Variants in SYT16 observed in about 807,000 individuals in gnomAD.
SYT16 encodes the protein synaptotagmin 16, also known as synaptotagmin-16.
A neutral mutation model predicts 61.4 loss-of-function variants in SYT16; 42 were observed. The observed-to-expected ratio is 0.68, with a 90% CI of 0.53 to 0.89. SYT16 has a LOEUF of 0.89. SYT16 is among the 40% of genes least tolerant of loss of function. The probability of loss-of-function intolerance (pLI) is 0.00; values close to 1 mark genes in which losing one functional copy is unlikely to be tolerated. For missense variants in SYT16, 804 were observed against 807.3 expected (o/e 1.00, Z 0.05); for synonymous variants, 314 against 302.3 (o/e 1.04, Z -0.40).
At chr14:61,812,218 C>T (rs1288547616), upstream of SYT16, 1 of 152,346 alleles carries the variant, frequency 6.6e-6, no homozygotes, top group Non-Finnish European at 1.5e-5. Flanking sequence ...GAGCTCCTGC[C>T]CCGGAGGATT....
chr14:61,879,730 G>T lies in SYT16; in HGVS notation c.-325+66920G>T, dbSNP rs576851441. On this transcript the variant is annotated intron_variant, in intron 1 of 7. Coordinates refer to ENST00000683842, the MANE Select transcript of SYT16 (RefSeq NM_001367656.1). ...TCTCTTTTCCTTTTTTACTAGTTTAGATTTCACATTATATCATTTAAGCAG... is the reference window on the plus strand; with the variant it reads ...TCTCTTTTCCTTTTTTACTAGTTTATATTTCACATTATATCATTTAAGCAG... Among the ~76,000 whole-genome samples, 8 of 152,140 alleles carry T rather than the reference G, an allele frequency of 5.3e-5. No homozygotes were observed. The East Asian group carries it at 1.5e-3, about 29-fold the overall frequency.
intron 1 of SYT16, among the ~76,000 whole-genome samples, chr14:61,813,196 G>A (rs2045322781): frequency 6.6e-6 from 1 of 152,248 alleles, no homozygotes; most frequent in Non-Finnish European, 1.5e-5. Flanking sequence ...TCTGGGTCGG[G>A]TTTGTGCGTC....
chr14:62,022,463 T>C (rs1334703843), intron 3 of SYT16, among the ~76,000 whole-genome samples: 1 of 152,162 alleles, frequency 6.6e-6, no homozygotes, highest in African/African-American at 2.4e-5. Context: ...TTTGTTTTCT[T>C]AAGCAGTTTT....
chr14:61,898,269 T>A (rs2140352488), intron 1 of SYT16, among the ~76,000 whole-genome samples: 1 of 152,298 alleles, frequency 6.6e-6, no homozygotes, highest in South Asian at 2.1e-4. Context: ...CTTATCCTAG[T>A]TTTCGTCTTT....
intron 1 of SYT16, among the ~76,000 whole-genome samples, chr14:61,821,275 G>A (rs766921610): frequency 6.6e-6 from 1 of 152,020 alleles, no homozygotes. Flanking sequence ...TCAATTGTTA[G>A]ATTTTAGTGG....
chr14:61,818,677 C>CAAAA (rs61559295), intron 1 of SYT16, among the ~76,000 whole-genome samples: 4 of 74,394 alleles, frequency 5.4e-5, no homozygotes, highest in African/African-American at 1.9e-4. Context: ...GACTCTGTCT[C>CAAAA]AAAAAAAAAA....
At chr14:61,882,747 T>C (rs2047746077) in intron 1 of SYT16, among the ~76,000 whole-genome samples, 2 of 152,184 alleles carry the variant, frequency 1.3e-5, no homozygotes, top group East Asian at 1.9e-4. Context: ...CTTCTGCCTA[T>C]GAGCCTGTAA....
chr14:61,867,156 T>C (rs1594788362), intron 1 of SYT16, among the ~76,000 whole-genome samples: 1 of 152,116 alleles, frequency 6.6e-6, no homozygotes, highest in African/African-American at 2.4e-5. Flanking sequence ...TGTAGCTTTA[T>C]ATATAATAAG....
chr14:61,846,512 A>G (rs2046450784), intron 1 of SYT16, among the ~76,000 whole-genome samples: 1 of 152,160 alleles, frequency 6.6e-6, no homozygotes, highest in Non-Finnish European at 1.5e-5. Flanking sequence ...GGCATGGAAT[A>G]TCTTTTTCCA....
intron 7 of SYT16, among the ~76,000 whole-genome samples, chr14:62,088,381 A>G (rs2056958161): frequency 6.6e-6 from 1 of 152,146 alleles, no homozygotes; most frequent in Admixed American, 6.5e-5. Flanking sequence ...AAGCAAAACT[A>G]CTCTATAGTG....
chr14:61,899,700 G>A (rs748216513), intron 1 of SYT16, among the ~76,000 whole-genome samples: 3 of 152,318 alleles, frequency 2.0e-5, no homozygotes, highest in Non-Finnish European at 4.4e-5. Flanking sequence ...AGGCAGCGCC[G>A]GAAGGCCTGT....
At chr14:61,823,722 A>G (rs2045689176) in intron 1 of SYT16, among the ~76,000 whole-genome samples, 1 of 152,244 alleles carries the variant, frequency 6.6e-6, no homozygotes, top group Non-Finnish European at 1.5e-5. Flanking sequence ...ACTGCGCTCC[A>G]GCCTGGGTGA....
chr14:61,864,731 T>A (rs533424979), intron 1 of SYT16: 14 of 993,680 alleles, frequency 1.4e-5, no homozygotes, highest in Middle Eastern at 4.4e-4. Flanking sequence ...TCGGACAACG[T>A]GTCCACTCGC....
intron 1 of SYT16, among the ~76,000 whole-genome samples, chr14:61,962,629 C>T (rs192563277): frequency 3.3e-5 from 5 of 152,116 alleles, no homozygotes; most frequent in Admixed American, 3.3e-4. Context: ...TTTTGGACTT[C>T]CATAATGCAT....
intron 1 of SYT16, among the ~76,000 whole-genome samples, chr14:61,828,143 T>C (rs1171981856): frequency 6.6e-6 from 1 of 152,156 alleles, no homozygotes; most frequent in African/African-American, 2.4e-5. Context: ...AGAGAGAGGC[T>C]TCAGAAGAGA....
intron 3 of SYT16, among the ~76,000 whole-genome samples, chr14:62,057,769 A>T (rs926486429): frequency 1.3e-5 from 2 of 152,160 alleles, no homozygotes; most frequent in African/African-American, 4.8e-5. Context: ...TAAGCTACTT[A>T]AAAAAACTCC....
At chr14:62,074,139 G>A (rs957319615) in intron 4 of SYT16, among the ~76,000 whole-genome samples, 1 of 152,136 alleles carries the variant, frequency 6.6e-6, no homozygotes, top group Non-Finnish European at 1.5e-5. Context: ...GGCAAATAGT[G>A]GGGGCAGCTA....
In SYT16 at chr14:62,110,249, A is replaced by T. The variant is rs1007777181; in HGVS notation, c.*9542A>T. On this transcript the variant is annotated 3_prime_UTR_variant, in exon 8 of 8. Transcript: ENST00000683842. Reference sequence around the variant, plus strand: ...GCTCTAAAATGAATATCAAGTCACAATTTTTTCAAGCCTTCATTGTTGCAT... The same window carrying T: ...GCTCTAAAATGAATATCAAGTCACATTTTTTTCAAGCCTTCATTGTTGCAT... The T allele has an allele frequency of 1.1e-4, 17 of 152,074 alleles. No homozygotes were observed. The highest frequency in any genetic ancestry group is 3.6e-4 in the African/African-American group (15 of 41,410). The allele number at this position is 152,074 out of a possible 1,614,324, so 9.4% of individuals were successfully genotyped here. A position where few individuals can be genotyped will look rare whatever the true frequency, so the allele number is the denominator to read the frequency against.
At chr14:61,938,654 A>G (rs1053225372) in intron 1 of SYT16, among the ~76,000 whole-genome samples, 5 of 152,330 alleles carry the variant, frequency 3.3e-5, no homozygotes, top group Non-Finnish European at 4.4e-5. Flanking sequence ...GAGACAAGCA[A>G]AGGAATTTGG....
Sources: gnomAD v4.1 joint callset for allele counts (sites outside exome capture counted in the v4.1 genomes callset) on GRCh38, gnomAD v4.1.1 for gene constraint, MANE v1.5 for transcripts, NCBI Gene and HGNC (gene_info 2026-07-23, HGNC 2026-07-21) for gene names.